Variants in LDB2 observed in about 807,000 individuals in gnomAD.
The protein encoded by LDB2 is LIM domain binding 2, also known as LIM domain-binding protein 2.
Under a neutral mutation model 44.3 loss-of-function variants are expected in LDB2, and 12 were observed. The observed-to-expected ratio is 0.27, with a 90% CI of 0.17 to 0.44. The LOEUF (loss-of-function observed/expected upper bound fraction) is 0.44. LDB2 is among the 20% of genes least tolerant of loss of function. LDB2 has a pLI of 1.00. For synonymous variants in LDB2, 164 were observed against 174.8 expected (o/e 0.94, Z 0.49); for missense variants, 344 against 473.5 (o/e 0.73, Z 2.54).
intron 2 of LDB2, among the ~76,000 whole-genome samples, chr4:16,622,221 A>C (rs1196455125): frequency 6.6e-6 from 1 of 152,230 alleles, no homozygotes; most frequent in East Asian, 1.9e-4. Context: ...TTGGAAAAGC[A>C]ACACTGAGTG....
intron 1 of LDB2, among the ~76,000 whole-genome samples, chr4:16,768,558 A>G (rs75839449): frequency 6.6e-6 from 1 of 152,104 alleles, no homozygotes; most frequent in South Asian, 2.1e-4. Context: ...CAAAAAAAAA[A>G]TCCCAAATCT....
intron 5 of LDB2, among the ~76,000 whole-genome samples, chr4:16,528,050 C>A (rs529973227): frequency 2.4e-4 from 37 of 152,052 alleles, no homozygotes; most frequent in African/African-American, 8.9e-4. Flanking sequence ...GAGTTAATGG[C>A]ATTAGCAACA....
intron 2 of LDB2, among the ~76,000 whole-genome samples, chr4:16,660,644 A>G (rs1741319577): frequency 6.6e-6 from 1 of 152,196 alleles, no homozygotes; most frequent in Admixed American, 6.5e-5. Flanking sequence ...TCAAGACTTT[A>G]TCTCCTTACT....
intron 2 of LDB2, among the ~76,000 whole-genome samples, chr4:16,686,980 C>T (rs1053323630): frequency 5.3e-5 from 8 of 152,102 alleles, no homozygotes; most frequent in Admixed American, 2.0e-4. Flanking sequence ...CTGCTTTCCA[C>T]CTCTCCTTTT....
Position 16,582,585 on chromosome 4 carries a change from C to T in LDB2, c.615+3337G>A, listed in dbSNP as rs1560540405. ...TCCCCAGAACACTGAGGACATGCTT[C>T]GTGAAACCCACCACCCGGTATCGGA... On this transcript the variant is annotated intron_variant, in intron 5 of 7. Transcript: ENST00000304523. The surrounding 1 kb of genome is among the most constrained non-coding windows in gnomAD (Gnocchi z 4.8). Among the ~76,000 whole-genome samples the T allele has an allele frequency of 1.3e-5, 2 of 152,310 alleles. No individual in the cohort carries two copies. The highest frequency in any genetic ancestry group is 4.8e-5 in the African/African-American group (2 of 41,558).
At chr4:16,842,913 G>A (rs956815391) in intron 1 of LDB2, among the ~76,000 whole-genome samples, 1 of 152,118 alleles carries the variant, frequency 6.6e-6, no homozygotes, top group Non-Finnish European at 1.5e-5. Context: ...TGTATATTAA[G>A]CTCATAAAGC....
In LDB2 at chr4:16,655,896, C is replaced by CTTTTTTTTTTTTT. The variant is rs747097456; in HGVS notation, c.236-60034_236-60022dup. The stretch of plus-strand genomic sequence containing the variant: ...AAACGTTGGTTGTTCTGCAAGAAAA[C>CTTTTTTTTTTTTT]TTTTTTTTTTTTTTTTTTTTTGAGA... On this transcript the variant is annotated intron_variant, in intron 2 of 7. Transcript: ENST00000304523. Among the ~76,000 whole-genome samples the CTTTTTTTTTTTTT allele has an allele frequency of 2.8e-3, 260 of 93,296 alleles. 40 individuals are homozygous for CTTTTTTTTTTTTT. The highest frequency in any genetic ancestry group is 8.1e-3 in the African/African-American group (185 of 22,778). 61.2% of individuals were successfully genotyped at this position (93,296 alleles called of 152,430 possible). A position where few individuals can be genotyped will look rare whatever the true frequency, so the allele number is the denominator to read the frequency against.
In LDB2 at chr4:16,520,928, A is replaced by G. The variant is rs545426819; in HGVS notation, c.616-8824T>C. On this transcript the variant is annotated intron_variant, in intron 5 of 7. Transcript: ENST00000304523. ...ATTCTACAGCCATAATTTCTCTGCC[A>G]TATCTTCCTGCCTGGGCACCCCCTT... Among the ~76,000 whole-genome samples, 9 of 152,216 alleles carry G rather than the reference A, an allele frequency of 5.9e-5. No individual in the cohort carries two copies. In the East Asian group the frequency reaches 1.5e-3, roughly 26 times the overall value.
At chr4:16,858,304 G>A (rs190122825) in intron 1 of LDB2, among the ~76,000 whole-genome samples, 3 of 152,330 alleles carry the variant, frequency 2.0e-5, no homozygotes, top group African/African-American at 7.2e-5. Context: ...CAGGCATGGT[G>A]AAAGCATAGA....
intron 5 of LDB2, among the ~76,000 whole-genome samples, chr4:16,577,240 CAA>C (rs1712041699): frequency 6.6e-6 from 1 of 152,106 alleles, no homozygotes; most frequent in African/African-American, 2.4e-5. Flanking sequence ...AGTAATCAAA[CAA>C]GAGAAAGAAA....
chr4:16,596,714 G>C (rs1721027091), intron 2 of LDB2, among the ~76,000 whole-genome samples: 1 of 152,168 alleles, frequency 6.6e-6, no homozygotes, highest in African/African-American at 2.4e-5. Context: ...CCTTTCACTT[G>C]GTCTAAATTG....
chr4:16,808,224 G>A (rs1054607206), intron 1 of LDB2, among the ~76,000 whole-genome samples: 1 of 152,198 alleles, frequency 6.6e-6, no homozygotes, highest in African/African-American at 2.4e-5. Context: ...ATGCCAGGAG[G>A]AGCTTCTCAT....
At chr4:16,653,005 A>G (rs1220519670) in intron 2 of LDB2, among the ~76,000 whole-genome samples, 1 of 152,186 alleles carries the variant, frequency 6.6e-6, no homozygotes, top group Non-Finnish European at 1.5e-5. Context: ...AATTTATGCC[A>G]CTTTGTGGAA....
At chr4:16,503,075 G>A (rs1011468405) in intron 7 of LDB2, 19 of 1,537,762 alleles carry the variant, frequency 1.2e-5, no homozygotes, top group Middle Eastern at 1.7e-4. Flanking sequence ...TAACAACCAC[G>A]CGAGTTTATG....
chr4:16,748,650 T>G (rs1374755979), intron 2 of LDB2, among the ~76,000 whole-genome samples: 1 of 152,186 alleles, frequency 6.6e-6, no homozygotes, highest in African/African-American at 2.4e-5. Context: ...AGCTACACAT[T>G]GGATTGTAGG....
chr4:16,712,964 T>C (rs922116766), intron 2 of LDB2, among the ~76,000 whole-genome samples: 4 of 152,240 alleles, frequency 2.6e-5, no homozygotes, highest in African/African-American at 4.8e-5. Context: ...ATGTTCATAA[T>C]TGCTGAACAA....
At chr4:16,690,526 GAGGGAGGGAGGGAGGTTGGGGA>G (rs1750479129) in intron 2 of LDB2, among the ~76,000 whole-genome samples, 1 of 39,834 alleles carries the variant, frequency 2.5e-5, no homozygotes, top group South Asian at 1.9e-3. Context: ...AGGGGGGAGG[GAGGGAGGGAGGGAGGTTGGGGA>G]AAGGAAGGAA....
intron 1 of LDB2, among the ~76,000 whole-genome samples, chr4:16,834,379 CTG>C (rs1308094700): frequency 1.3e-5 from 2 of 152,344 alleles, no homozygotes; most frequent in African/African-American, 4.8e-5. Flanking sequence ...TCTGACATCA[CTG>C]TGCCATCACA....
At chr4:16,703,457 A>G (rs568479604) in intron 2 of LDB2, among the ~76,000 whole-genome samples, 6 of 152,320 alleles carry the variant, frequency 3.9e-5, no homozygotes, top group South Asian at 2.1e-4. Context: ...TGTCATGGCC[A>G]GTTTTTATCC....
Sources: allele counts gnomAD v4.1 joint callset (sites outside exome capture counted in the v4.1 genomes callset), GRCh38; gene constraint gnomAD v4.1.1; non-coding constraint Gnocchi (gnomAD v3.1); transcripts MANE v1.5; gene names NCBI Gene and HGNC (gene_info 2026-07-23, HGNC 2026-07-21).